The following RNF115 variants were observed in gnomAD, a reference collection of about 807,000 sequenced individuals.
The protein encoded by RNF115 is ring finger protein 115, also known as E3 ubiquitin-protein ligase RNF115.
A neutral mutation model predicts 39.2 loss-of-function variants in RNF115; 31 were observed. That is an observed-to-expected ratio of 0.79 (90% CI 0.59 to 1.07). The LOEUF is 1.07. Ranked by LOEUF, RNF115 falls within the 50% of genes least tolerant of loss-of-function variation. The pLI is 0.00. For missense variants in RNF115, 384 were observed against 381.7 expected, an observed-to-expected ratio of 1.01 and a Z score of -0.05; for synonymous variants, 124 against 131.0, an observed-to-expected ratio of 0.95 and a Z score of 0.37.
intron 1 of RNF115, among the ~76,000 whole-genome samples, chr1:145,821,061 T>A (rs201426163): frequency 9.4e-6 from 1 of 106,766 alleles, no homozygotes; most frequent in Non-Finnish European, 2.1e-5. Context: ...GCCACACCAA[T>A]GCTATGAAAT....
chr1:145,760,759 T>C lies in RNF115; in HGVS notation c.429-7710A>G, dbSNP rs587722841. ...GTAAATTGGTGCCAGGAGTGGGGCA[T>C]TGCTGAAGAGATACCAAAAATGTGG... is the stretch of plus-strand genomic sequence containing the variant. On this transcript the variant is annotated intron_variant, in intron 4 of 8. Transcript: ENST00000582693. Among the ~76,000 whole-genome samples the C allele has an allele frequency of 2.6e-5, 4 of 152,206 alleles. 1 individual carries two copies. The East Asian group carries it at 7.7e-4, about 29-fold the overall frequency.
intron 4 of RNF115, among the ~76,000 whole-genome samples, chr1:145,756,764 C>A (rs1658308281): frequency 6.6e-6 from 1 of 150,396 alleles, no homozygotes; most frequent in African/African-American, 2.4e-5. Context: ...ATGCCCCCCA[C>A]AACCTCTGCC....
chr1:145,770,187 T>C (rs1647570973), intron 4 of RNF115, among the ~76,000 whole-genome samples: 1 of 152,218 alleles, frequency 6.6e-6, no homozygotes, highest in South Asian at 2.1e-4. Context: ...TCATTAGTCA[T>C]TCTTAATTAA....
chr1:145,750,897 GA>G (rs1658061772), intron 6 of RNF115, among the ~76,000 whole-genome samples: 1 of 152,198 alleles, frequency 6.6e-6, no homozygotes, highest in South Asian at 2.1e-4. Flanking sequence ...CGTGAGCCAA[GA>G]AATAGGTAAA....
At position 145,798,142 on chromosome 1, in the gene RNF115, T is replaced by C. The variant is rs1649067149; in HGVS notation, c.103-9176A>G. Reference sequence around the variant, plus strand: ...TCATTGATGCACCAAAGTTTTTAAGTTTGATGCAGTCCCATTTGCCTATTT... The same window carrying C: ...TCATTGATGCACCAAAGTTTTTAAGCTTGATGCAGTCCCATTTGCCTATTT... On this transcript the variant is annotated intron_variant, in intron 1 of 8. Transcript: ENST00000582693. Among the ~76,000 whole-genome samples, 2 of 152,180 alleles carry C rather than the reference T, an allele frequency of 1.3e-5. 1 individual carries two copies. Among genetic ancestry groups the C allele is most frequent in the South Asian group, 4.1e-4 (2 of 4,828 alleles).
At chr1:145,757,626 A>G (rs781928755) in intron 4 of RNF115, among the ~76,000 whole-genome samples, 1 of 152,236 alleles carries the variant, frequency 6.6e-6, no homozygotes, top group Non-Finnish European at 1.5e-5. Flanking sequence ...CCAGAGTCAC[A>G]GAGAAGAACT....
intron 3 of RNF115, among the ~76,000 whole-genome samples, chr1:145,782,363 T>C (rs1313806129): frequency 6.6e-6 from 1 of 152,168 alleles, no homozygotes; most frequent in Non-Finnish European, 1.5e-5. Flanking sequence ...GACACCTGCC[T>C]GTAATCCCAG....
At chr1:145,765,556 A>G (rs142057467) in intron 4 of RNF115, among the ~76,000 whole-genome samples, 7 of 152,312 alleles carry the variant, frequency 4.6e-5, no homozygotes, top group African/African-American at 1.7e-4. Context: ...CAACCATCTG[A>G]TTGCTTTTGA....
chr1:145,822,591 C>G (rs1479246870), intron 1 of RNF115, among the ~76,000 whole-genome samples: 3 of 148,832 alleles, frequency 2.0e-5, no homozygotes, highest in Non-Finnish European at 3.0e-5. Context: ...TGTTGCCACT[C>G]TATCACAAGA....
Position 145,743,923 on chromosome 1 carries a change from T to C in RNF115, c.*2943A>G, listed in dbSNP as rs1171659271. The C allele has an allele frequency of 6.6e-6, 1 of 152,292 alleles. No individual in the cohort carries two copies. The highest frequency in any genetic ancestry group is 1.5e-5 in the Non-Finnish European group (1 of 68,044). 9.4% of individuals were successfully genotyped at this position (152,292 alleles called of 1,614,324 possible). On this transcript the variant is annotated 3_prime_UTR_variant, in exon 9 of 9. Coordinates refer to ENST00000582693, the MANE Select transcript of RNF115 (RefSeq NM_014455.4). ...ATAAGAAGAAACACAACAGATCCATTAAGTGGGACAGGTCTGGGAAACAGT... is the reference window on the plus strand; with the variant it reads ...ATAAGAAGAAACACAACAGATCCATCAAGTGGGACAGGTCTGGGAAACAGT...
intron 7 of RNF115, among the ~76,000 whole-genome samples, chr1:145,749,161 C>T (rs1571703506): frequency 6.6e-6 from 1 of 152,168 alleles, no homozygotes; most frequent in East Asian, 1.9e-4. Context: ...CATGAACTAA[C>T]AGCAGATAAG....
intron 3 of RNF115, among the ~76,000 whole-genome samples, chr1:145,779,571 C>A (rs1571744210): frequency 6.6e-6 from 1 of 152,142 alleles, no homozygotes; most frequent in African/African-American, 2.4e-5. Context: ...CTTATGACAG[C>A]AACTCTAAAC....
In RNF115 at chr1:145,808,263, A is replaced by G. The variant is rs587775179; in HGVS notation, c.102+15509T>C. Among the ~76,000 whole-genome samples the G allele has an allele frequency of 2.6e-4, 40 of 152,214 alleles. No homozygotes were observed. The South Asian group carries it at 7.9e-3, about 30-fold the overall frequency. On this transcript the variant is annotated intron_variant, in intron 1 of 8. Coordinates refer to ENST00000582693, the MANE Select transcript of RNF115 (RefSeq NM_014455.4). ...TTTCAGTTTTTTTTGAAATATATCC[A>G]TTCTGTTTTCCATAGTGACCATACT...
At chr1:145,804,772 C>A in intron 1 of RNF115, among the ~76,000 whole-genome samples, 1 of 152,256 alleles carries the variant, frequency 6.6e-6, no homozygotes, top group Middle Eastern at 3.4e-3. Context: ...ATCAAACATG[C>A]TGCTTTAATG....
chr1:145,758,203 GT>G (rs1388025422), intron 4 of RNF115, among the ~76,000 whole-genome samples: 1 of 152,072 alleles, frequency 6.6e-6, no homozygotes, highest in African/African-American at 2.4e-5. Flanking sequence ...GATATTATGG[GT>G]TTTTTTCCTG....
At chr1:145,814,392 G>A (rs1553723134) in intron 1 of RNF115, among the ~76,000 whole-genome samples, 1 of 151,972 alleles carries the variant, frequency 6.6e-6, no homozygotes, top group Non-Finnish European at 1.5e-5. Flanking sequence ...ATCCAACCTG[G>A]CCAACATGGT....
intron 1 of RNF115, among the ~76,000 whole-genome samples, chr1:145,816,847 T>G (rs1247218850): frequency 8.5e-6 from 1 of 117,574 alleles, no homozygotes; most frequent in Non-Finnish European, 1.9e-5. Flanking sequence ...TAGCTCACTG[T>G]AACCTCAAAT....
intron 1 of RNF115, among the ~76,000 whole-genome samples, chr1:145,807,393 G>A (rs929215251): frequency 2.0e-5 from 3 of 152,126 alleles, no homozygotes; most frequent in Non-Finnish European, 4.4e-5. Context: ...ATTAAAATAG[G>A]ATGCTAATAT....
At position 145,752,585 on chromosome 1, in the gene RNF115, C is replaced by CTTTTTTTTTTTTTTTTTTTTTTTTT. The variant is rs60257682; in HGVS notation, c.500+392_500+393insAAAAAAAAAAAAAAAAAAAAAAAAA. Among the ~76,000 whole-genome samples, 3 of 83,784 alleles carry CTTTTTTTTTTTTTTTTTTTTTTTTT rather than the reference C, an allele frequency of 3.6e-5. 1 individual carries two copies. Among genetic ancestry groups the CTTTTTTTTTTTTTTTTTTTTTTTTT allele is most frequent in the African/African-American group, 1.7e-4 (3 of 17,412 alleles). 55.0% of individuals were successfully genotyped at this position (83,784 alleles called of 152,430 possible). On this transcript the variant is annotated intron_variant, in intron 5 of 8. Transcript: ENST00000582693. The stretch of plus-strand genomic sequence containing the variant: ...CATCTACATACTCACCTATGCAGCT[C>CTTTTTTTTTTTTTTTTTTTTTTTTT]TTTTTTTTTTTTTTTTTTTTTGAGA...
Sources: allele counts gnomAD v4.1 joint callset (sites outside exome capture counted in the v4.1 genomes callset), GRCh38; gene constraint gnomAD v4.1.1; transcripts MANE v1.5; gene names NCBI Gene and HGNC (gene_info 2026-07-23, HGNC 2026-07-21).